The following IQSEC1 variants were observed in gnomAD, a reference collection of about 807,000 sequenced individuals.
IQSEC1 encodes IQ motif and Sec7 domain ArfGEF 1.
IQSEC1 carries 31 observed loss-of-function variants against 91.0 expected under a neutral mutation model. The ratio of observed to expected loss-of-function variants is 0.34; its 90% confidence interval spans 0.26 to 0.46. IQSEC1 has a LOEUF of 0.46. IQSEC1 is among the 20% of genes least tolerant of loss of function. IQSEC1 has a pLI of 1.00. For missense variants in IQSEC1, 1,388 were observed against 1,575.6 expected (o/e 0.88, Z 2.02); for synonymous variants, 699 against 662.6 (o/e 1.05, Z -0.84).
At chr3:13,243,594 C>T (rs1695058438) in intron 1 of IQSEC1, among the ~76,000 whole-genome samples, 1 of 152,218 alleles carries the variant, frequency 6.6e-6, no homozygotes, top group African/African-American at 2.4e-5. Flanking sequence ...AAGCTGAGGT[C>T]AAGCGGATGC....
intron 8 of IQSEC1, among the ~76,000 whole-genome samples, chr3:12,914,221 C>T (rs1695849893): frequency 1.3e-5 from 2 of 152,242 alleles, no homozygotes; most frequent in South Asian, 4.1e-4. Flanking sequence ...CCCCTGACAG[C>T]TCACGAAAGC....
intron 1 of IQSEC1, among the ~76,000 whole-genome samples, chr3:12,991,236 T>C (rs946169736): frequency 1.3e-5 from 2 of 152,108 alleles, no homozygotes; most frequent in African/African-American, 2.4e-5. Context: ...AGAGGTATCA[T>C]GGATGAGGGT....
chr3:12,920,734 G>T, intron 5 of IQSEC1, 138 bp from the exon 6 acceptor site: 1 of 915,110 alleles, frequency 1.1e-6, no homozygotes, highest in Non-Finnish European at 1.7e-6. Context: ...GCCTGTCGGA[G>T]TTGGCCCTGA....
At chr3:12,919,187 C>T (rs888903922) in intron 6 of IQSEC1, among the ~76,000 whole-genome samples, 23 of 152,212 alleles carry the variant, frequency 1.5e-4, no homozygotes, top group African/African-American at 4.1e-4. Context: ...TGGTGGCCCT[C>T]GGGAGCTCTC....
chr3:13,051,748 G>C (rs1704700106), intron 1 of IQSEC1, among the ~76,000 whole-genome samples: 1 of 152,090 alleles, frequency 6.6e-6, no homozygotes, highest in African/African-American at 2.4e-5. Context: ...CACTTGCGTG[G>C]TCTTGGAAAC....
chr3:13,021,034 C>T (rs1285365333), intron 1 of IQSEC1, among the ~76,000 whole-genome samples: 1 of 152,216 alleles, frequency 6.6e-6, no homozygotes, highest in African/African-American at 2.4e-5. Context: ...ATCTTTCAAT[C>T]CCTTACCTGT....
At position 13,168,278 on chromosome 3, in the gene IQSEC1, C is replaced by T. The variant is rs116808149; in HGVS notation, c.273-4145G>A. On this transcript the variant is annotated intron_variant, in intron 1 of 15. Transcript: ENST00000648114. ...TCTTATATGGCGTGATGTAGAAAAG[C>T]GTAAGAAAAACAAGTAAAAATCATC... Among the ~76,000 whole-genome samples, 290 of 152,284 alleles carry T rather than the reference C, an allele frequency of 1.9e-3. 4 individuals are homozygous for T. Among genetic ancestry groups the T allele is most frequent in the African/African-American group, 6.7e-3 (278 of 41,556 alleles).
In IQSEC1 at chr3:12,924,719, T is replaced by C; in HGVS notation, c.1592A>G (p.Tyr531Cys). The C allele has an allele frequency of 6.3e-7, 1 of 1,592,430 alleles. No homozygotes were observed. ...FNKKPEKGVQ[Y>C]LIERGFVPDT... is the part of the protein sequence containing the mutation. The stretch of plus-strand genomic sequence containing the variant: ...GGGCACAAAGCCACGCTCGATGAGG[T>C]ACTGGACTCCCTTCTCAGGCTTCCT... Residue 531 changes from tyrosine to cysteine, a missense_variant, in exon 4 of 14, where the codon TAC (tyrosine) becomes TGC (cysteine). Tyr to Cys is a radical substitution (Grantham distance 194, BLOSUM62 -2). Coordinates refer to ENST00000613206, the MANE Select transcript of IQSEC1 (RefSeq NM_001134382.3). The surrounding 1 kb of genome is among the most constrained non-coding windows in gnomAD (Gnocchi z 6.3).
At chr3:13,223,628 C>T (rs1694700572) in intron 1 of IQSEC1, among the ~76,000 whole-genome samples, 2 of 152,220 alleles carry the variant, frequency 1.3e-5, no homozygotes, top group Non-Finnish European at 2.9e-5. Flanking sequence ...TCCCCATGCA[C>T]CCATCAGCCA....
Position 13,109,851 on chromosome 3 carries a change from T to C in IQSEC1, c.302+54253A>G, listed in dbSNP as rs140445732. Among the ~76,000 whole-genome samples the C allele has an allele frequency of 6.8e-3, 1,022 of 151,364 alleles. 17 individuals carry two copies. Among genetic ancestry groups the C allele is most frequent in the African/African-American group, 0.022 (912 of 41,108 alleles). On this transcript the variant is annotated intron_variant, in intron 2 of 15. Transcript: ENST00000648114. ...GAATTTCTTTATAGCGGTGCAAGAA[T>C]GGCCTAATACAGGCTGTTACAAGGG...
chr3:12,983,380 G>A lies in IQSEC1; in HGVS notation c.24-41515C>T, dbSNP rs1292095545. Among the ~76,000 whole-genome samples the A allele has an allele frequency of 2.6e-5, 4 of 152,174 alleles. No homozygotes were observed. Among genetic ancestry groups the A allele is most frequent in the Non-Finnish European group, 1.5e-5 (1 of 68,022 alleles). On this transcript the variant is annotated intron_variant, in intron 1 of 13. Transcript: ENST00000613206. This position sits in a 1 kb window ranked among gnomAD's most constrained non-coding sequence, Gnocchi z 4.3. ...GCAGTCTGGGTGCTGGCTTGGGGGCGGGTGAGGAGCAGGAGGAAGCATGGC... is the reference window on the plus strand; with the variant it reads ...GCAGTCTGGGTGCTGGCTTGGGGGCAGGTGAGGAGCAGGAGGAAGCATGGC...
chr3:13,255,655 C>T (rs1695272809), intron 1 of IQSEC1, among the ~76,000 whole-genome samples: 2 of 151,882 alleles, frequency 1.3e-5, no homozygotes, highest in African/African-American at 4.8e-5. Context: ...CTTGCTCTGT[C>T]ATCCAGGCTG....
intron 2 of IQSEC1, among the ~76,000 whole-genome samples, chr3:13,145,795 G>A (rs957663688): frequency 5.3e-5 from 5 of 94,420 alleles, no homozygotes; most frequent in South Asian, 5.9e-4. Flanking sequence ...GAACCTGGGC[G>A]CCCGGGGGCG....
intron 1 of IQSEC1, among the ~76,000 whole-genome samples, chr3:13,198,718 T>C (rs1694180482): frequency 6.6e-6 from 1 of 152,224 alleles, no homozygotes; most frequent in Non-Finnish European, 1.5e-5. Context: ...CACTGCCATG[T>C]CTTAGCCTGT....
chr3:13,038,061 C>T (rs1704101066), intron 1 of IQSEC1, among the ~76,000 whole-genome samples: 3 of 151,732 alleles, frequency 2.0e-5, no homozygotes, highest in African/African-American at 7.3e-5. Context: ...ATTTATAATA[C>T]TATGATCTAA....
intron 1 of IQSEC1, among the ~76,000 whole-genome samples, chr3:12,962,718 A>G (rs1195471221): frequency 6.6e-6 from 1 of 152,252 alleles, no homozygotes; most frequent in South Asian, 2.1e-4. Context: ...GGCTGCGCAC[A>G]GCACACAAGC....
intron 1 of IQSEC1, among the ~76,000 whole-genome samples, chr3:13,196,327 C>T (rs139112491): frequency 2.0e-5 from 3 of 152,294 alleles, no homozygotes; most frequent in South Asian, 2.1e-4. Flanking sequence ...CAGCTGGTGC[C>T]GCAGACGTTG....
rs1575820555 is a variant in IQSEC1 at position 12,899,091 on chromosome 3, T to C, written c.*1892A>G. 1 of 470,766 alleles carries C rather than the reference T, an allele frequency of 2.1e-6. No homozygotes were observed. Among genetic ancestry groups the C allele is most frequent in the African/African-American group, 2.0e-5 (1 of 51,268 alleles). The allele number at this position is 470,766 out of a possible 1,614,324, so 29.2% of individuals were successfully genotyped here. On this transcript the variant is annotated 3_prime_UTR_variant, in exon 14 of 14. Coordinates refer to ENST00000613206, the MANE Select transcript of IQSEC1 (RefSeq NM_001134382.3). ...AAACTCTAGATTGCTGTATTTGCTC[T>C]CTCTGGAGATTAACAAAGTGCTTGG...
chr3:12,986,902 G>A, intron 1 of IQSEC1: 1 of 314,792 alleles, frequency 3.2e-6, no homozygotes, highest in East Asian at 1.2e-4. Context: ...AAGGAGCTTG[G>A]GAGGGGACAT....
Sources: allele counts gnomAD v4.1 joint callset (sites outside exome capture counted in the v4.1 genomes callset), GRCh38; gene constraint gnomAD v4.1.1; non-coding constraint Gnocchi (gnomAD v3.1); transcripts MANE v1.5; gene names NCBI Gene and HGNC (gene_info 2026-07-23, HGNC 2026-07-21).